Variants in CLYBL observed in about 807,000 individuals in gnomAD.
The protein encoded by CLYBL is citramalyl-CoA lyase, mitochondrial.
Under a neutral mutation model 38.9 loss-of-function variants are expected in CLYBL, and 31 were observed. That is an observed-to-expected ratio of 0.80 (90% confidence interval 0.60 to 1.08). CLYBL has a LOEUF of 1.08. CLYBL is among the 50% of genes least tolerant of loss of function. The pLI, the probability that CLYBL is intolerant of heterozygous loss-of-function variation, is 0.00. For synonymous variants in CLYBL, 171 were observed against 158.6 expected (o/e 1.08, Z -0.59); for missense variants, 434 against 411.6 (o/e 1.05, Z -0.47).
chr13:99,808,112 G>T (rs183772099), intron 2 of CLYBL, among the ~76,000 whole-genome samples: 1 of 152,018 alleles, frequency 6.6e-6, no homozygotes, highest in African/African-American at 2.4e-5. Flanking sequence ...TTGAAATGGG[G>T]TCTCACTCTG....
At chr13:99,637,962 C>CTTTTTTTTTTTTTTTTTTT (rs34513643) in intron 1 of CLYBL, among the ~76,000 whole-genome samples, 1 of 94,998 alleles carries the variant, frequency 1.1e-5, no homozygotes, top group Non-Finnish European at 2.0e-5. Flanking sequence ...TCAACAGTGC[C>CTTTTTTTTTTTTTTTTTTT]TTTTTTTTTT....
chr13:99,823,944 A>G (rs1006806810), intron 2 of CLYBL, among the ~76,000 whole-genome samples: 1 of 152,112 alleles, frequency 6.6e-6, no homozygotes, highest in Non-Finnish European at 1.5e-5. Context: ...TCTTTTGCTT[A>G]TTGGATCTCA....
intron 1 of CLYBL, among the ~76,000 whole-genome samples, chr13:99,740,304 C>T (rs1287277034): frequency 2.0e-5 from 3 of 152,224 alleles, no homozygotes; most frequent in Non-Finnish European, 4.4e-5. Flanking sequence ...AATACACAAT[C>T]AGCATGTGTG....
intron 2 of CLYBL, among the ~76,000 whole-genome samples, chr13:99,793,036 ACACACAC>A (rs2049950895): frequency 1.5e-5 from 1 of 65,412 alleles, no homozygotes; most frequent in African/African-American, 3.8e-5. Context: ...CATACATAAC[ACACACAC>A]ACACACACAC....
chr13:99,874,676 T>G (rs1044018823), intron 7 of CLYBL, among the ~76,000 whole-genome samples: 1 of 152,204 alleles, frequency 6.6e-6, no homozygotes, highest in African/African-American at 2.4e-5. Context: ...TTATACAACA[T>G]ATAAACATTC....
At chr13:99,692,749 C>T (rs1451927955) in intron 1 of CLYBL, among the ~76,000 whole-genome samples, 1 of 152,210 alleles carries the variant, frequency 6.6e-6, no homozygotes, top group Non-Finnish European at 1.5e-5. Context: ...CTCTTCCTTT[C>T]TCCTGACAAC....
intron 1 of CLYBL, among the ~76,000 whole-genome samples, chr13:99,647,681 G>A (rs1447507180): frequency 1.3e-5 from 2 of 152,204 alleles, no homozygotes; most frequent in Non-Finnish European, 2.9e-5. Context: ...AGGGCAAGAA[G>A]CATCTTAAGT....
At chr13:99,836,543 G>C (rs1218782269) in intron 2 of CLYBL, among the ~76,000 whole-genome samples, 3 of 152,238 alleles carry the variant, frequency 2.0e-5, no homozygotes, top group Non-Finnish European at 4.4e-5. Flanking sequence ...AGTAACTACC[G>C]ATTCAGAGGA....
At chr13:99,779,698 G>A (rs2049598962) in intron 2 of CLYBL, among the ~76,000 whole-genome samples, 1 of 152,174 alleles carries the variant, frequency 6.6e-6, no homozygotes, top group African/African-American at 2.4e-5. Context: ...GCATGGTAAA[G>A]TTTCAGGGAC....
chr13:99,823,827 A>G (rs1223860579), intron 2 of CLYBL, among the ~76,000 whole-genome samples: 2 of 152,160 alleles, frequency 1.3e-5, no homozygotes, highest in Non-Finnish European at 2.9e-5. Flanking sequence ...TTTTTCCCCA[A>G]CAAGTTGTCA....
chr13:99,664,504 A>G (rs992447957), intron 1 of CLYBL, among the ~76,000 whole-genome samples: 2 of 152,232 alleles, frequency 1.3e-5, no homozygotes, highest in African/African-American at 4.8e-5. Flanking sequence ...AATTGCTATT[A>G]TGATTACTAA....
At chr13:99,797,909 G>A (rs976572261) in intron 2 of CLYBL, among the ~76,000 whole-genome samples, 1 of 152,166 alleles carries the variant, frequency 6.6e-6, no homozygotes, top group Admixed American at 6.5e-5. Context: ...AGCCTGATTA[G>A]CAGTTTGCAC....
chr13:99,655,151 C>T (rs573706732), intron 1 of CLYBL, among the ~76,000 whole-genome samples: 38 of 151,152 alleles, frequency 2.5e-4, no homozygotes, highest in Non-Finnish European at 4.7e-4. Flanking sequence ...TCTCGGCTCA[C>T]TGCAATCTCT....
intron 1 of CLYBL, among the ~76,000 whole-genome samples, chr13:99,755,298 G>A (rs1002213461): frequency 2.6e-5 from 4 of 152,170 alleles, no homozygotes; most frequent in African/African-American, 9.7e-5. Context: ...CCATGTCATG[G>A]CAGCCTTCCC....
intron 2 of CLYBL, among the ~76,000 whole-genome samples, chr13:99,829,529 C>T (rs1303858009): frequency 6.6e-6 from 1 of 152,140 alleles, no homozygotes; most frequent in Non-Finnish European, 1.5e-5. Flanking sequence ...TTAATAAAAG[C>T]AGGGTTGTTG....
At chr13:99,863,195 A>G in intron 4 of CLYBL, 103 bp downstream of exon 4, 1 of 584,458 alleles carries the variant, frequency 1.7e-6, no homozygotes, top group South Asian at 2.8e-5. Flanking sequence ...GTTTCTAGAA[A>G]GATTTATAAG....
chr13:99,634,539 G>A (rs1246556766), intron 1 of CLYBL, among the ~76,000 whole-genome samples: 1 of 152,162 alleles, frequency 6.6e-6, no homozygotes, highest in Non-Finnish European at 1.5e-5. Flanking sequence ...AACTTTAACA[G>A]TGATAACCTT....
intron 2 of CLYBL, among the ~76,000 whole-genome samples, chr13:99,774,068 A>C (rs1206067690): frequency 3.1e-5 from 2 of 64,614 alleles, no homozygotes; most frequent in Admixed American, 2.8e-4. Context: ...CATTTCTACC[A>C]AAAAAAAAAA....
chr13:99,699,183 C>G (rs567571611), intron 1 of CLYBL, among the ~76,000 whole-genome samples: 1 of 151,864 alleles, frequency 6.6e-6, no homozygotes, highest in African/African-American at 2.4e-5. Flanking sequence ...GTCGGGAGTT[C>G]GAGACCAGCC....
Sources: allele counts gnomAD v4.1 joint callset (sites outside exome capture counted in the v4.1 genomes callset), GRCh38; gene constraint gnomAD v4.1.1; transcripts MANE v1.5; gene names NCBI Gene and HGNC (gene_info 2026-07-23, HGNC 2026-07-21).